CASZ1: variants seen among roughly 807,000 people sequenced by gnomAD.
The protein encoded by CASZ1 is zinc finger protein castor homolog 1.
A neutral mutation model predicts 135.2 loss-of-function variants in CASZ1; 28 were observed. The observed-to-expected ratio is 0.21, with a 90% CI of 0.15 to 0.28. The LOEUF is 0.28. Among genes scored for constraint, CASZ1 ranks in the 10% least tolerant of loss-of-function variants. The probability of loss-of-function intolerance (pLI) is 1.00; values close to 1 mark genes in which losing one functional copy is unlikely to be tolerated. For synonymous variants in CASZ1, 1,068 were observed against 1,073.4 expected (o/e 0.99, Z 0.10); for missense variants, 2,161 against 2,453.3 (o/e 0.88, Z 2.52).
intron 2 of CASZ1, among the ~76,000 whole-genome samples, chr1:10,745,994 G>A (rs1465978309): frequency 6.6e-6 from 1 of 152,238 alleles, no homozygotes; most frequent in Non-Finnish European, 1.5e-5. Context: ...TGAGAGGTCT[G>A]CCACTAAGCA....
rs1236526627 is a variant in CASZ1 at position 10,700,691 on chromosome 1, C to T, written c.-24+4801G>A. 6.6e-6 allele frequency among the ~76,000 whole-genome samples: 1 copy of T among 152,188 alleles called. No homozygotes were observed. Among genetic ancestry groups the T allele is most frequent in the Non-Finnish European group, 1.5e-5 (1 of 68,030 alleles). ...TGCTCCCTGAACCCAGGCACTGACCCTCTACCTTCCCAGCATCTTCAGGAA... is the reference window on the plus strand; with the variant it reads ...TGCTCCCTGAACCCAGGCACTGACCTTCTACCTTCCCAGCATCTTCAGGAA... On this transcript the variant is annotated intron_variant, in intron 3 of 20. Coordinates refer to ENST00000377022, the MANE Select transcript of CASZ1 (RefSeq NM_001079843.3). This position sits in a 1 kb window ranked among gnomAD's most constrained non-coding sequence, Gnocchi z 4.2.
chr1:10,665,720 C>T, intron 4 of CASZ1, 149 bp from the exon 5 acceptor site: 1 of 838,186 alleles, frequency 1.2e-6, no homozygotes, highest in Non-Finnish European at 1.8e-6. Context: ...TGGCATGTGT[C>T]TATCTCCCCC....
intron 1 of CASZ1, among the ~76,000 whole-genome samples, chr1:10,778,538 C>T (rs528715885): frequency 1.1e-4 from 16 of 152,146 alleles, no homozygotes; most frequent in South Asian, 8.3e-4. Flanking sequence ...ACACGCAAAA[C>T]GATTTACACA....
intron 3 of CASZ1, among the ~76,000 whole-genome samples, chr1:10,702,617 C>T (rs1016194863): frequency 1.3e-5 from 2 of 151,778 alleles, no homozygotes; most frequent in South Asian, 2.1e-4. Flanking sequence ...GAGAGGGAGA[C>T]GCGGGGCTGG....
intron 2 of CASZ1, among the ~76,000 whole-genome samples, chr1:10,754,019 T>C (rs1640199745): frequency 6.6e-6 from 1 of 152,130 alleles, no homozygotes; most frequent in South Asian, 2.1e-4. Context: ...CTAGCCACGC[T>C]GGTCTCCTTG....
chr1:10,689,096 A>G (rs1479055353), intron 4 of CASZ1, among the ~76,000 whole-genome samples: 1 of 151,968 alleles, frequency 6.6e-6, no homozygotes, highest in African/African-American at 2.4e-5. Context: ...GCCTGGGGGC[A>G]TGGGGGGTGG....
At chr1:10,729,692 C>A (rs910490699) in intron 2 of CASZ1, among the ~76,000 whole-genome samples, 16 of 152,372 alleles carry the variant, frequency 1.1e-4, no homozygotes, top group African/African-American at 3.1e-4. Context: ...ACGCTGACAG[C>A]GCAAAGGCAG....
chr1:10,686,524 G>A (rs1638597019), intron 4 of CASZ1, among the ~76,000 whole-genome samples: 1 of 152,134 alleles, frequency 6.6e-6, no homozygotes, highest in Non-Finnish European at 1.5e-5. Context: ...TGGGTCTTGG[G>A]GACACTCGGG....
rs770326453 is a variant in CASZ1, at chr1:10,654,140, G to C, written c.1917C>G (p.Ala639=). The change falls in exon 11 of 21, where the codon GCC becomes GCG. Residue 639 remains alanine, a synonymous_variant. Coordinates refer to ENST00000377022, the MANE Select transcript of CASZ1 (RefSeq NM_001079843.3). ...ACTTCTTGAAGCCGTCCTTGGCGTA[G>C]GCATCGTCCTTGATGTGGTAGCTCT... is the stretch of plus-strand genomic sequence containing the variant. ...KHKSYHIKDD[A]YAKDGFKKFY... The C allele has an allele frequency of 5.0e-6, 8 of 1,614,210 alleles. No individual in the cohort carries two copies. Among genetic ancestry groups the C allele is most frequent in the Non-Finnish European group, 6.8e-6 (8 of 1,180,024 alleles).
chr1:10,680,245 A>T (rs1262663453), intron 4 of CASZ1, among the ~76,000 whole-genome samples: 1 of 114,028 alleles, frequency 8.8e-6, no homozygotes, highest in Non-Finnish European at 1.7e-5. Context: ...ATGCTGCCGG[A>T]GGGCTCCGGC....
At position 10,646,156 on chromosome 1, in the gene CASZ1, T is replaced by G; in HGVS notation, c.3668A>C (p.Tyr1223Ser). 6.2e-7 allele frequency: 1 copy of G among 1,613,444 alleles called. No homozygotes were observed. Among genetic ancestry groups the G allele is most frequent in the Non-Finnish European group, 8.5e-7 (1 of 1,179,860 alleles). ...LVNVRDQFAY[Y>S]SLQCLCPNQH... ...GTTGGGACAGAGACACTGCAGAGAGTAGTATGCAAACTGGTCTCGCACGTT... is the reference window on the plus strand; with the variant it reads ...GTTGGGACAGAGACACTGCAGAGAGGAGTATGCAAACTGGTCTCGCACGTT... Residue 1223 changes from tyrosine (Y) to serine (S), a missense_variant, in exon 17 of 21, where the codon TAC (tyrosine) becomes TCC (serine). Physicochemically the swap from Tyr to Ser is moderately radical, Grantham distance 144. Transcript: ENST00000377022. The surrounding 1 kb of genome is among the most constrained non-coding windows in gnomAD (Gnocchi z 6.4).
At chr1:10,650,859 A>ATT (rs1553125670) in intron 12 of CASZ1, 82 bp downstream of exon 12, 1 of 1,603,952 alleles carries the variant, frequency 6.2e-7, no homozygotes, top group Non-Finnish European at 8.5e-7. Context: ...GCCCGCTGCA[A>ATT]CTGCCTGGGC....
intron 4 of CASZ1, among the ~76,000 whole-genome samples, chr1:10,692,653 A>C (rs934540253): frequency 4.6e-5 from 7 of 152,304 alleles, no homozygotes; most frequent in African/African-American, 1.4e-4. Context: ...CAAACTCTGC[A>C]AATGACACCT....
rs1405591346 is a variant in CASZ1, at chr1:10,720,976, A to G, written c.-76-15432T>C. On this transcript the variant is annotated intron_variant, in intron 2 of 20. Transcript: ENST00000377022. The surrounding 1 kb of genome is among the most constrained non-coding windows in gnomAD (Gnocchi z 5.7). The stretch of plus-strand genomic sequence containing the variant: ...GAAGTTCACCCTGCTCAGGGCCACA[A>G]CCGGCTCTGGAGGGAGGGATTTAAG... Among the ~76,000 whole-genome samples the G allele has an allele frequency of 2.0e-5, 3 of 152,124 alleles. No homozygotes were observed. The highest frequency in any genetic ancestry group is 1.3e-4 in the Admixed American group (2 of 15,274).
At chr1:10,736,112 C>T (rs909469655) in intron 2 of CASZ1, among the ~76,000 whole-genome samples, 7 of 152,146 alleles carry the variant, frequency 4.6e-5, no homozygotes, top group Non-Finnish European at 8.8e-5. Flanking sequence ...TGCTGATGGG[C>T]GGTACTGGCA....
chr1:10,682,619 G>A (rs1239043838), intron 4 of CASZ1, among the ~76,000 whole-genome samples: 1 of 152,186 alleles, frequency 6.6e-6, no homozygotes, highest in Non-Finnish European at 1.5e-5. Context: ...AAATGTCACC[G>A]CTTGTCATGT....
rs1017990872 is a variant in CASZ1 at position 10,700,413 on chromosome 1, T to A, written c.-24+5079A>T. Among the ~76,000 whole-genome samples, 1 of 152,126 alleles carries A rather than the reference T, an allele frequency of 6.6e-6. No homozygotes were observed. Among genetic ancestry groups the A allele is most frequent in the African/African-American group, 2.4e-5 (1 of 41,404 alleles). On this transcript the variant is annotated intron_variant, in intron 3 of 20. Transcript: ENST00000377022. The surrounding 1 kb of genome is among the most constrained non-coding windows in gnomAD (Gnocchi z 4.2). The stretch of plus-strand genomic sequence containing the variant: ...CAGGAGGGGAGGCCCGCTGTCCTTA[T>A]GGGAGGTGTGAGGTTTTCTATGTGG...
chr1:10,661,523 T>G (rs1329253504), intron 5 of CASZ1: 1 of 142,606 alleles, frequency 7.0e-6, no homozygotes, highest in East Asian at 2.1e-4. Context: ...ACATGCATTC[T>G]CAAACACACA....
chr1:10,722,052 G>A (rs772935967), intron 2 of CASZ1, among the ~76,000 whole-genome samples: 7 of 152,226 alleles, frequency 4.6e-5, no homozygotes, highest in Admixed American at 6.5e-5. Context: ...CTATGGAAAC[G>A]TTGGAACCAG....
Sources: allele counts gnomAD v4.1 joint callset (sites outside exome capture counted in the v4.1 genomes callset), GRCh38; gene constraint gnomAD v4.1.1; non-coding constraint Gnocchi (gnomAD v3.1); transcripts MANE v1.5; gene names NCBI Gene and HGNC (gene_info 2026-07-23, HGNC 2026-07-21).